Variants in MON2 observed in about 807,000 individuals in gnomAD.
MON2 encodes MON2 regulator of endosome-to-Golgi trafficking.
MON2 carries 84 observed loss-of-function variants against 208.6 expected under a neutral mutation model. The ratio of observed to expected loss-of-function variants is 0.40; its 90% CI spans 0.34 to 0.48. The LOEUF (loss-of-function observed/expected upper bound fraction) is 0.48, where lower values mean the gene tolerates loss of function less well. Ranked by LOEUF, MON2 falls within the 20% of genes least tolerant of loss-of-function variation. MON2 has a pLI of 0.59. For missense variants in MON2, 1,611 were observed against 2,015.4 expected (o/e 0.80, Z 3.84); for synonymous variants, 660 against 694.0 (o/e 0.95, Z 0.77).
intron 32 of MON2, among the ~76,000 whole-genome samples, chr12:62,584,323 G>A (rs1409379157): frequency 5.9e-5 from 9 of 152,022 alleles, no homozygotes; most frequent in African/African-American, 1.2e-4. Flanking sequence ...AGGTACATGC[G>A]CTCAAAAGTT....
chr12:62,531,439 C>G (rs1265864447), intron 11 of MON2, among the ~76,000 whole-genome samples: 1 of 152,140 alleles, frequency 6.6e-6, no homozygotes, highest in Non-Finnish European at 1.5e-5. Context: ...ATGTGAATAT[C>G]CAGTTGTTCC....
intron 29 of MON2, among the ~76,000 whole-genome samples, chr12:62,568,699 G>T (rs938890387): frequency 6.6e-6 from 1 of 151,746 alleles, no homozygotes; most frequent in African/African-American, 2.4e-5. Flanking sequence ...TTGCTCTATT[G>T]CCTGGGCTGG....
chr12:62,476,227 T>G (rs2069072484), intron 1 of MON2, among the ~76,000 whole-genome samples: 1 of 152,100 alleles, frequency 6.6e-6, no homozygotes, highest in African/African-American at 2.4e-5. Flanking sequence ...CAGAAGAAAA[T>G]CTTATTGATT....
At chr12:62,477,667 T>A (rs1473144412) in intron 1 of MON2, among the ~76,000 whole-genome samples, 1 of 152,018 alleles carries the variant, frequency 6.6e-6, no homozygotes, top group Non-Finnish European at 1.5e-5. Flanking sequence ...CCTCTCGCCT[T>A]GACCTCCCAA....
intron 26 of MON2, among the ~76,000 whole-genome samples, chr12:62,562,058 G>A (rs2074217420): frequency 6.6e-6 from 1 of 152,066 alleles, no homozygotes; most frequent in Admixed American, 6.6e-5. Flanking sequence ...ATTCAGTGTA[G>A]GGGTATTAGT....
At chr12:62,535,455 A>T (rs1038115113) in intron 13 of MON2, 70 bp from the exon 14 acceptor site, 1 of 1,173,856 alleles carries the variant, frequency 8.5e-7, no homozygotes, top group Non-Finnish European at 1.2e-6. Flanking sequence ...TGAATACTTA[A>T]TTCCACATCA....
intron 7 of MON2, among the ~76,000 whole-genome samples, chr12:62,502,560 TAGTC>T (rs1411135341): frequency 6.6e-6 from 1 of 152,198 alleles, no homozygotes; most frequent in African/African-American, 2.4e-5. Context: ...AATCTATTAA[TAGTC>T]AGGTATTTCC....
chr12:62,536,275 T>G (rs1235805895), intron 14 of MON2, among the ~76,000 whole-genome samples: 1 of 152,224 alleles, frequency 6.6e-6, no homozygotes, highest in Non-Finnish European at 1.5e-5. Context: ...CCACTTAGGT[T>G]AAACTTACAT....
chr12:62,538,541 C>T (rs747682574), intron 19 of MON2, 36 bp downstream of exon 19: 2 of 1,321,822 alleles, frequency 1.5e-6, no homozygotes, highest in East Asian at 4.6e-5. Context: ...AGATATGATA[C>T]ATTAGTTATA....
chr12:62,575,291 G>C (rs544534683), intron 30 of MON2, among the ~76,000 whole-genome samples: 1 of 152,198 alleles, frequency 6.6e-6, no homozygotes, highest in Non-Finnish European at 1.5e-5. Context: ...GATACTAAAA[G>C]TGCAGTGTTA....
At chr12:62,483,321 C>T (rs1011756304) in intron 1 of MON2, among the ~76,000 whole-genome samples, 11 of 152,144 alleles carry the variant, frequency 7.2e-5, no homozygotes, top group African/African-American at 1.9e-4. Context: ...TACTATGTGA[C>T]TTGCCAGTAC....
intron 8 of MON2, among the ~76,000 whole-genome samples, chr12:62,510,732 C>G (rs866004866): frequency 1.9e-4 from 29 of 152,082 alleles, no homozygotes; most frequent in African/African-American, 6.5e-4. Flanking sequence ...AGATCAGGAA[C>G]AAGGCAAGAT....
At chr12:62,504,771 A>G (rs533711726) in intron 7 of MON2, among the ~76,000 whole-genome samples, 1 of 152,372 alleles carries the variant, frequency 6.6e-6, no homozygotes, top group African/African-American at 2.4e-5. Flanking sequence ...AATAAGACTG[A>G]TAAAATCTTT....
intron 11 of MON2, among the ~76,000 whole-genome samples, chr12:62,530,406 AT>A (rs2072575486): frequency 6.6e-6 from 1 of 150,926 alleles, no homozygotes; most frequent in African/African-American, 2.4e-5. Flanking sequence ...AATTTTTTGT[AT>A]TTTTTAGTAG....
intron 4 of MON2, among the ~76,000 whole-genome samples, chr12:62,498,345 T>A (rs1484898623): frequency 6.6e-6 from 1 of 152,134 alleles, no homozygotes; most frequent in East Asian, 1.9e-4. Flanking sequence ...GAGGAAGAGA[T>A]GGGTGGCAAA....
At chr12:62,468,454 T>A (rs984841464) in intron 1 of MON2, among the ~76,000 whole-genome samples, 6 of 152,198 alleles carry the variant, frequency 3.9e-5, no homozygotes, top group African/African-American at 1.4e-4. Flanking sequence ...ATATCTTTAT[T>A]ATTATGAAGA....
chr12:62,489,337 T>C (rs1281159466), intron 2 of MON2, among the ~76,000 whole-genome samples: 2 of 152,146 alleles, frequency 1.3e-5, no homozygotes, highest in Non-Finnish European at 2.9e-5. Flanking sequence ...ATGTTGATCA[T>C]TTTTTCCCTG....
At position 62,499,137 on chromosome 12, in the gene MON2, A is replaced by G. The variant is rs1263416660; in HGVS notation, c.565+89A>G. 4.5e-6 allele frequency: 6 copies of G among 1,337,464 alleles called. No homozygotes were observed. In the African/African-American group the frequency reaches 9.0e-5, roughly 20 times the overall value. The allele number at this position is 1,337,464 out of a possible 1,614,324, so 82.8% of individuals were successfully genotyped here. On this transcript the variant is annotated intron_variant, in intron 5 of 34. Coordinates refer to ENST00000393630, the MANE Select transcript of MON2 (RefSeq NM_015026.3). ...TTCGGCCTTTGCTCAGATGATCAACATTATTATGTCTATAATGGCAACTTA... is the reference window on the plus strand; with the variant it reads ...TTCGGCCTTTGCTCAGATGATCAACGTTATTATGTCTATAATGGCAACTTA...
At chr12:62,527,339 C>A (rs933245099) in intron 11 of MON2, among the ~76,000 whole-genome samples, 1 of 152,026 alleles carries the variant, frequency 6.6e-6, no homozygotes, top group Non-Finnish European at 1.5e-5. Flanking sequence ...ATTGTATCAT[C>A]CTAGGTATAT....
Sources: allele counts gnomAD v4.1 joint callset (sites outside exome capture counted in the v4.1 genomes callset), GRCh38; gene constraint gnomAD v4.1.1; transcripts MANE v1.5; gene names NCBI Gene and HGNC (gene_info 2026-07-23, HGNC 2026-07-21).